Variants in UBE2D1 observed in about 807,000 individuals in gnomAD.
UBE2D1 encodes ubiquitin-conjugating enzyme E2 D1.
Under a neutral mutation model 24.6 loss-of-function variants are expected in UBE2D1, and 9 were observed. The observed-to-expected ratio is 0.37, with a 90% CI of 0.22 to 0.64. UBE2D1 has a LOEUF of 0.64. UBE2D1 is among the 30% of genes least tolerant of loss of function. The pLI is 0.64. For missense variants in UBE2D1, 87 were observed against 177.1 expected (o/e 0.49, Z 2.89); for synonymous variants, 57 against 57.6 (o/e 0.99, Z 0.04).
Position 58,335,009 on chromosome 10 carries a change from C to G in UBE2D1, c.-193C>G. The G allele has an allele frequency of 1.8e-6, 1 of 549,730 alleles. No individual in the cohort carries two copies. Among genetic ancestry groups the G allele is most frequent in the South Asian group, 2.3e-5 (1 of 42,902 alleles). 34.1% of individuals were successfully genotyped at this position (549,730 alleles called of 1,614,324 possible). On this transcript the variant is annotated 5_prime_UTR_variant, in exon 1 of 7. Transcript: ENST00000373910. ...AGTCTCGCCGGCGTCCCCGCCCGCA[C>G]ACTCGCGCACACTCGCGCTCGGGCG...
chr10:58,353,008 A>C (rs1275109928), intron 1 of UBE2D1, among the ~76,000 whole-genome samples: 1 of 152,108 alleles, frequency 6.6e-6, no homozygotes, highest in Non-Finnish European at 1.5e-5. Flanking sequence ...CAACTTCTGT[A>C]GCTACTTTTA....
intron 1 of UBE2D1, among the ~76,000 whole-genome samples, chr10:58,339,037 C>T (rs1839933809): frequency 6.6e-6 from 1 of 152,166 alleles, no homozygotes; most frequent in Non-Finnish European, 1.5e-5. Context: ...CTGTTTATGT[C>T]AGTCTAGAAA....
At chr10:58,345,136 A>AT (rs1219234349) in intron 1 of UBE2D1, among the ~76,000 whole-genome samples, 1 of 151,752 alleles carries the variant, frequency 6.6e-6, no homozygotes, top group Non-Finnish European at 1.5e-5. Flanking sequence ...AAGTGCTGGG[A>AT]TTACAGGTGA....
chr10:58,356,354 G>A (rs1376932957), intron 1 of UBE2D1, among the ~76,000 whole-genome samples: 1 of 151,920 alleles, frequency 6.6e-6, no homozygotes, highest in African/African-American at 2.4e-5. Context: ...TGTAACTTGT[G>A]TTTTTCATTC....
intron 1 of UBE2D1, among the ~76,000 whole-genome samples, chr10:58,337,241 T>C (rs994767252): frequency 6.6e-6 from 1 of 152,234 alleles, no homozygotes; most frequent in Non-Finnish European, 1.5e-5. Context: ...CTCTGTGTGT[T>C]CATTTTTGGC....
intron 1 of UBE2D1, among the ~76,000 whole-genome samples, chr10:58,353,565 A>G (rs1272984167): frequency 1.3e-5 from 2 of 152,242 alleles, no homozygotes; most frequent in Non-Finnish European, 2.9e-5. Context: ...TCTGAACTAG[A>G]GAAATGGAAA....
intron 5 of UBE2D1, 111 bp downstream of exon 5, chr10:58,364,987 T>C: frequency 1.2e-6 from 1 of 847,006 alleles, no homozygotes; most frequent in Non-Finnish European, 1.8e-6. Flanking sequence ...TGCTTTCTCC[T>C]GTTTTGATTT....
Position 58,361,321 on chromosome 10 carries a change from T to G in UBE2D1, c.25-17T>G. The G allele has an allele frequency of 6.2e-7, 1 of 1,613,604 alleles. No homozygotes were observed. Among genetic ancestry groups the G allele is most frequent in the East Asian group, 2.2e-5 (1 of 44,872 alleles). On this transcript the variant is annotated splice_polypyrimidine_tract_variant and intron_variant, in intron 1 of 6. Transcript: ENST00000373910. The stretch of plus-strand genomic sequence containing the variant: ...GAAAAGAAGGAATTAACCTTACATA[T>G]TTTTGATTTCCTTCAGGAATTGAGT...
At chr10:58,335,350 G>A in intron 1 of UBE2D1, 125 bp downstream of exon 1, 1 of 1,159,794 alleles carries the variant, frequency 8.6e-7, no homozygotes, top group Non-Finnish European at 1.2e-6. Flanking sequence ...GGTGCGGGCA[G>A]GGAGCTGAAG....
chr10:58,356,060 T>C (rs1401015847), intron 1 of UBE2D1, among the ~76,000 whole-genome samples: 1 of 152,178 alleles, frequency 6.6e-6, no homozygotes, highest in Non-Finnish European at 1.5e-5. Flanking sequence ...CCATTTTATC[T>C]CTTTTTTTAT....
At chr10:58,348,273 A>T (rs1413525108) in intron 1 of UBE2D1, among the ~76,000 whole-genome samples, 2 of 152,204 alleles carry the variant, frequency 1.3e-5, no homozygotes, top group Non-Finnish European at 2.9e-5. Context: ...GACATTTCTG[A>T]TGATCGTTTG....
chr10:58,356,036 A>G (rs919757748), intron 1 of UBE2D1, among the ~76,000 whole-genome samples: 3 of 151,938 alleles, frequency 2.0e-5, no homozygotes, highest in Admixed American at 6.6e-5. Flanking sequence ...TATGTAGAGG[A>G]AAAAAAACCA....
At chr10:58,352,186 C>T (rs762901009) in intron 1 of UBE2D1, among the ~76,000 whole-genome samples, 1 of 152,060 alleles carries the variant, frequency 6.6e-6, no homozygotes, top group Non-Finnish European at 1.5e-5. Context: ...CTCTTGGTCC[C>T]ATTCAGATGC....
intron 1 of UBE2D1, among the ~76,000 whole-genome samples, chr10:58,342,869 G>A (rs550547737): frequency 2.1e-5 from 3 of 142,138 alleles, no homozygotes; most frequent in South Asian, 2.2e-4. Flanking sequence ...TGCTCTTGTC[G>A]CCCAGGCTGG....
rs780157951 is a variant in UBE2D1 at position 58,363,738 on chromosome 10, TTATC to T, written c.198+55_198+58del. The T allele has an allele frequency of 2.9e-4, 387 of 1,344,374 alleles. 1 individual carries two copies. The highest frequency in any genetic ancestry group is 1.7e-3 in the Middle Eastern group (8 of 4,840). 83.3% of individuals were successfully genotyped at this position (1,344,374 alleles called of 1,614,324 possible). A position where few individuals can be genotyped will look rare whatever the true frequency, so the allele number is the denominator to read the frequency against. On this transcript the variant is annotated intron_variant, in intron 4 of 6. Transcript: ENST00000373910. ...ACTCCCATGTAAGAGATTTTATTCTTTATCTAGAGCTCATTTGATTATCTAGAGC... is the reference window on the plus strand; with the variant it reads ...ACTCCCATGTAAGAGATTTTATTCTTTAGAGCTCATTTGATTATCTAGAGC...
At chr10:58,360,824 C>T (rs537732175) in intron 1 of UBE2D1, 1 of 355,026 alleles carries the variant, frequency 2.8e-6, no homozygotes, top group East Asian at 7.5e-5. Flanking sequence ...GAGTGGGGGC[C>T]TGAGGTGGGA....
intron 3 of UBE2D1, 140 bp downstream of exon 3, chr10:58,361,666 A>T: frequency 8.8e-7 from 1 of 1,136,336 alleles, no homozygotes; most frequent in South Asian, 1.4e-5. Flanking sequence ...ATTATTAAGG[A>T]TTTACAATGA....
At chr10:58,338,035 T>A (rs898053796) in intron 1 of UBE2D1, among the ~76,000 whole-genome samples, 12 of 151,990 alleles carry the variant, frequency 7.9e-5, no homozygotes, top group Admixed American at 2.0e-4. Context: ...TTAGTAGAGA[T>A]GGGGTTTCAC....
Position 58,335,131 on chromosome 10 carries a change from G to C in UBE2D1, c.-71G>C. The C allele has an allele frequency of 6.6e-7, 1 of 1,504,970 alleles. No individual in the cohort carries two copies. Among genetic ancestry groups the C allele is most frequent in the Non-Finnish European group, 8.9e-7 (1 of 1,121,086 alleles). 93.2% of individuals were successfully genotyped at this position (1,504,970 alleles called of 1,614,324 possible). ...GCCTAGCTGCCAGCGAGCCCAACCCGCGACGACCCACGCCCCTGAGCCCCG... is the reference window on the plus strand; with the variant it reads ...GCCTAGCTGCCAGCGAGCCCAACCCCCGACGACCCACGCCCCTGAGCCCCG... On this transcript the variant is annotated 5_prime_UTR_variant, in exon 1 of 7. Coordinates refer to ENST00000373910, the MANE Select transcript of UBE2D1 (RefSeq NM_003338.5).
Sources: allele counts gnomAD v4.1 joint callset (sites outside exome capture counted in the v4.1 genomes callset), GRCh38; gene constraint gnomAD v4.1.1; transcripts MANE v1.5; gene names NCBI Gene and HGNC (gene_info 2026-07-23, HGNC 2026-07-21).